CD300LF: variants seen among roughly 807,000 people sequenced by gnomAD.
CD300LF encodes the protein CMRF35-like molecule 1.
CD300LF carries 27 observed loss-of-function variants against 32.2 expected under a neutral mutation model. The ratio of observed to expected loss-of-function variants is 0.84; its 90% CI spans 0.62 to 1.15. CD300LF has a LOEUF of 1.15. Among genes scored for constraint, CD300LF ranks in the 50% most tolerant of loss-of-function variants. The probability of loss-of-function intolerance (pLI) is 0.00; values close to 1 mark genes in which losing one functional copy is unlikely to be tolerated. For synonymous variants in CD300LF, 139 were observed against 143.2 expected (o/e 0.97, Z 0.21); for missense variants, 348 against 356.8 (o/e 0.98, Z 0.20).
intron 2 of CD300LF, 182 bp from the exon 3 acceptor site, chr17:74,703,280 TC>T: frequency 1.5e-6 from 1 of 649,726 alleles, no homozygotes; most frequent in Non-Finnish European, 2.7e-6. Context: ...CCTGGACCAC[TC>T]ATGTCTCCCT....
chr17:74,702,993 G>C, intron 3 of CD300LF, 42 bp downstream of exon 3: 2 of 1,515,234 alleles, frequency 1.3e-6, no homozygotes, highest in Non-Finnish European at 1.8e-6. Flanking sequence ...CATTGGAGGA[G>C]TTTGGGCCAA....
chr17:74,704,273 C>T (rs1378475239), intron 2 of CD300LF: 4 of 580,130 alleles, frequency 6.9e-6, no homozygotes, highest in Non-Finnish European at 1.2e-5. Flanking sequence ...AAGGCTTAAT[C>T]CCGTCGTGGA....
intron 1 of CD300LF, chr17:74,705,300 A>G (rs1256931396): frequency 1.4e-6 from 1 of 693,554 alleles, no homozygotes; most frequent in Non-Finnish European, 2.7e-6. Flanking sequence ...AATGATTTCT[A>G]GTGGTTCTGG....
chr17:74,695,772 G>T lies in CD300LF; in HGVS notation c.670C>A (p.Leu224Ile), dbSNP rs2032397340. The change falls in exon 6 of 7, where the codon CTT (leucine) becomes ATT (isoleucine). Residue 224 changes from leucine (L) to isoleucine (I), a missense_variant. Coordinates refer to ENST00000326165, the MANE Select transcript of CD300LF (RefSeq NM_139018.5). ...ACCTGGTCAACCTGGGCAGAGGAAA[G>T]CTTCGTGGTAGCCTTTTGCGGGGAG... ...GTSPQKATTK[L>I]SSAQVDQVEV... The T allele has an allele frequency of 2.5e-6, 4 of 1,614,096 alleles. No individual in the cohort carries two copies. The highest frequency in any genetic ancestry group is 3.4e-6 in the Non-Finnish European group (4 of 1,180,040).
In CD300LF at chr17:74,712,918, C is replaced by A; in HGVS notation, c.-52G>T. On this transcript the variant is annotated 5_prime_UTR_variant, in exon 1 of 7. Coordinates refer to ENST00000326165, the MANE Select transcript of CD300LF (RefSeq NM_139018.5). ...CCTCAGTGGAGCCTGGCAGCAGGAA[C>A]AAACTACAGACTCCCAGCCTTCTGC... 3.2e-6 allele frequency: 5 copies of A among 1,582,876 alleles called. No homozygotes were observed. Among genetic ancestry groups the A allele is most frequent in the Non-Finnish European group, 4.3e-6 (5 of 1,153,810 alleles).
At chr17:74,704,030 T>G (rs1040024098) in intron 2 of CD300LF, among the ~76,000 whole-genome samples, 1 of 152,198 alleles carries the variant, frequency 6.6e-6, no homozygotes, top group Non-Finnish European at 1.5e-5. Context: ...GAGCCTCTTT[T>G]TCCCCCAGGT....
At chr17:74,697,119 T>C (rs2032559688) in intron 4 of CD300LF, among the ~76,000 whole-genome samples, 1 of 152,188 alleles carries the variant, frequency 6.6e-6, no homozygotes, top group African/African-American at 2.4e-5. Context: ...TTTTTTTGCA[T>C]TTTTAGTAGA....
intron 6 of CD300LF, 49 bp downstream of exon 6, chr17:74,695,676 C>A (rs754926062): frequency 1.1e-5 from 17 of 1,611,516 alleles, no homozygotes; most frequent in Non-Finnish European, 1.4e-5. Context: ...CAACGGCAGG[C>A]CTGTGTCCCC....
intron 1 of CD300LF, among the ~76,000 whole-genome samples, chr17:74,707,267 G>A (rs2033596375): frequency 6.6e-6 from 1 of 152,098 alleles, no homozygotes; most frequent in Non-Finnish European, 1.5e-5. Context: ...AAATACATAA[G>A]GAACTCAAAC....
chr17:74,705,153 C>A (rs1026460951), intron 1 of CD300LF: 1 of 689,864 alleles, frequency 1.4e-6, no homozygotes, highest in African/African-American at 1.8e-5. Context: ...TTGTGTTAGT[C>A]CAGTGTGGTG....
intron 1 of CD300LF, among the ~76,000 whole-genome samples, chr17:74,705,848 G>C (rs2033460861): frequency 6.6e-6 from 1 of 152,126 alleles, no homozygotes; most frequent in Admixed American, 6.6e-5. Flanking sequence ...ACCCACCTCA[G>C]CCTCACAAAG....
chr17:74,710,001 T>C (rs1251279862), intron 1 of CD300LF, among the ~76,000 whole-genome samples: 1 of 152,136 alleles, frequency 6.6e-6, no homozygotes, highest in African/African-American at 2.4e-5. Flanking sequence ...TTTTTTGAGA[T>C]GGAGTCAGGC....
chr17:74,695,589 A>T, intron 6 of CD300LF, 136 bp downstream of exon 6: 1 of 1,280,130 alleles, frequency 7.8e-7, no homozygotes, highest in Admixed American at 2.2e-5. Context: ...CGAGTCCTGC[A>T]GTGACTATGG....
intron 4 of CD300LF, 121 bp downstream of exon 4, chr17:74,698,248 G>C: frequency 1.4e-6 from 1 of 738,014 alleles, no homozygotes; most frequent in Non-Finnish European, 2.3e-6. Context: ...GCTGCTGAGG[G>C]CCTTTGGGAC....
At chr17:74,710,262 A>G (rs2033849397) in intron 1 of CD300LF, among the ~76,000 whole-genome samples, 1 of 152,176 alleles carries the variant, frequency 6.6e-6, no homozygotes, top group African/African-American at 2.4e-5. Context: ...GGCGTGAGCC[A>G]CTGTGCCCAG....
Position 74,704,570 on chromosome 17 carries a change from T to A in CD300LF, c.290A>T (p.Asp97Val). Residue 97 changes from aspartate (D) to valine (V), a missense_variant, in exon 2 of 7, where the codon GAT (aspartate) becomes GTT (valine). Transcript: ENST00000326165. ...KNRTFTVTME[D>V]LMKTDADTYW... is the part of the protein sequence containing the mutation. ...AGTGTCAGCATCAGTTTTCATGAGA[T>A]CCTCCATGGTCACAGTGAACGTGCG... 6.2e-7 allele frequency: 1 copy of A among 1,614,158 alleles called. No individual in the cohort carries two copies. Among genetic ancestry groups the A allele is most frequent in the Non-Finnish European group, 8.5e-7 (1 of 1,180,004 alleles).
At chr17:74,707,513 G>A (rs2033613272) in intron 1 of CD300LF, among the ~76,000 whole-genome samples, 1 of 152,086 alleles carries the variant, frequency 6.6e-6, no homozygotes, top group Non-Finnish European at 1.5e-5. Flanking sequence ...TCAGGAGTTT[G>A]AGACCAGCCT....
chr17:74,695,094 G>A lies in CD300LF; in HGVS notation c.*2C>T, dbSNP rs760184810. ...GGTCCAAGAAGGAGCCTGGAGTGCA[G>A]GCTAAGGCCTGCTGATGGTGCTGTA... On this transcript the variant is annotated 3_prime_UTR_variant, in exon 7 of 7. Coordinates refer to ENST00000326165, the MANE Select transcript of CD300LF (RefSeq NM_139018.5). 5 of 1,613,136 alleles carry A rather than the reference G, an allele frequency of 3.1e-6. No homozygotes were observed. The South Asian group carries it at 5.5e-5, about 18-fold the overall frequency.
At chr17:74,711,688 C>G (rs924188152) in intron 1 of CD300LF, among the ~76,000 whole-genome samples, 3 of 152,098 alleles carry the variant, frequency 2.0e-5, no homozygotes, top group Non-Finnish European at 4.4e-5. Flanking sequence ...AAGCTGGTCC[C>G]GATCCTGTGT....
Sources: allele counts gnomAD v4.1 joint callset (sites outside exome capture counted in the v4.1 genomes callset), GRCh38; gene constraint gnomAD v4.1.1; transcripts MANE v1.5; gene names NCBI Gene and HGNC (gene_info 2026-07-23, HGNC 2026-07-21).